Variants in DRG2 observed in about 807,000 individuals in gnomAD.
DRG2 encodes the protein developmentally regulated GTP binding protein 2.
A neutral mutation model predicts 53.4 loss-of-function variants in DRG2; 36 were observed. That is an observed-to-expected ratio of 0.67 (90% CI 0.52 to 0.89). The LOEUF is 0.89. Among genes scored for constraint, DRG2 ranks in the 40% least tolerant of loss-of-function variants. DRG2 has a pLI of 0.00. For synonymous variants in DRG2, 167 were observed against 192.1 expected (o/e 0.87, Z 1.08); for missense variants, 342 against 481.2 (o/e 0.71, Z 2.71).
chr17:18,107,244 C>T lies in DRG2; in HGVS notation c.*4C>T, dbSNP rs559616099. 10 of 1,612,128 alleles carry T rather than the reference C, an allele frequency of 6.2e-6. No homozygotes were observed. The highest frequency in any genetic ancestry group is 4.4e-5 in the South Asian group (4 of 91,062). ...CATCCAGATCGTGAAGAAGTAACGG[C>T]GCCTGCCGGGCCTCCCGCCCACCTG... On this transcript the variant is annotated 3_prime_UTR_variant, in exon 13 of 13. Transcript: ENST00000225729.
At position 18,098,547 on chromosome 17, in the gene DRG2, G is replaced by A; in HGVS notation, c.315+188G>A. Reference sequence around the variant, plus strand: ...AGCTGCTGGACCCCAGAGATGCCTGGTGGGGCCTGGAACTAGGAGGTCAGG... The same window carrying A: ...AGCTGCTGGACCCCAGAGATGCCTGATGGGGCCTGGAACTAGGAGGTCAGG... On this transcript the variant is annotated intron_variant, in intron 3 of 12. Transcript: ENST00000225729. This position sits in a 1 kb window ranked among gnomAD's most constrained non-coding sequence, Gnocchi z 4.1. 7.2e-6 allele frequency: 4 copies of A among 557,100 alleles called. No homozygotes were observed. The South Asian group carries it at 8.1e-5, about 11-fold the overall frequency. 34.5% of individuals were successfully genotyped at this position (557,100 alleles called of 1,614,324 possible).
At chr17:18,106,607 T>G in intron 12 of DRG2, 121 bp downstream of exon 12, 1 of 1,046,504 alleles carries the variant, frequency 9.6e-7, no homozygotes, top group Non-Finnish European at 1.4e-6. Flanking sequence ...GGGATTGGCA[T>G]GTCTGTGTGT....
chr17:18,091,485 C>T (rs1003731706), intron 1 of DRG2, among the ~76,000 whole-genome samples: 4 of 151,998 alleles, frequency 2.6e-5, no homozygotes, highest in Non-Finnish European at 4.4e-5. Context: ...ACTCGGGAGG[C>T]GGAGGCAGGA....
chr17:18,093,565 G>A (rs951240448), intron 1 of DRG2, among the ~76,000 whole-genome samples: 1 of 152,240 alleles, frequency 6.6e-6, no homozygotes, highest in African/African-American at 2.4e-5. Context: ...TGATCCACCC[G>A]CCTCGGCCTC....
rs1436676244 is a variant in DRG2, at chr17:18,087,978, C to A, written c.-46C>A. On this transcript the variant is annotated 5_prime_UTR_variant, in exon 1 of 13. Coordinates refer to ENST00000225729, the MANE Select transcript of DRG2 (RefSeq NM_001388.5). Reference sequence around the variant, plus strand: ...GTCGCCGCCGTCAGACCGGAATTGCCGGTGCCGCCGCCACCGCTGTCTGTG... The same window carrying A: ...GTCGCCGCCGTCAGACCGGAATTGCAGGTGCCGCCGCCACCGCTGTCTGTG... 7 of 1,540,880 alleles carry A rather than the reference C, an allele frequency of 4.5e-6. No homozygotes were observed. In the East Asian group the frequency reaches 1.2e-4, roughly 27 times the overall value.
At chr17:18,094,635 G>A (rs1344520945) in intron 2 of DRG2, among the ~76,000 whole-genome samples, 2 of 152,126 alleles carry the variant, frequency 1.3e-5, no homozygotes, top group East Asian at 1.9e-4. Flanking sequence ...ATGGGCGGCC[G>A]AAAGGACCCT....
In DRG2 at chr17:18,098,207, TGG is replaced by T. The variant is rs1597723000; in HGVS notation, c.226-60_226-59del. 4 of 1,423,964 alleles carry T rather than the reference TGG, an allele frequency of 2.8e-6. No individual in the cohort carries two copies. The highest frequency in any genetic ancestry group is 4.0e-6 in the Non-Finnish European group (4 of 1,011,068). The allele number at this position is 1,423,964 out of a possible 1,614,324, so 88.2% of individuals were successfully genotyped here. Reference sequence around the variant, plus strand: ...CCTGCACCTGCAGGCCCCCAGCCCCTGGGGCCTCTCCCAGAAGGCCAGGGACA... The same window carrying T: ...CCTGCACCTGCAGGCCCCCAGCCCCTGGCCTCTCCCAGAAGGCCAGGGACA... On this transcript the variant is annotated intron_variant, in intron 2 of 12. Coordinates refer to ENST00000225729, the MANE Select transcript of DRG2 (RefSeq NM_001388.5). The surrounding 1 kb of genome is among the most constrained non-coding windows in gnomAD (Gnocchi z 4.1).
rs1167315537 is a variant in DRG2 at position 18,100,520 on chromosome 17, C to T, written c.541-49C>T. 4 of 1,613,078 alleles carry T rather than the reference C, an allele frequency of 2.5e-6. No individual in the cohort carries two copies. Among genetic ancestry groups the T allele is most frequent in the African/African-American group, 1.3e-5 (1 of 74,940 alleles). On this transcript the variant is annotated intron_variant, in intron 6 of 12. Coordinates refer to ENST00000225729, the MANE Select transcript of DRG2 (RefSeq NM_001388.5). This position sits in a 1 kb window ranked among gnomAD's most constrained non-coding sequence, Gnocchi z 4.1. ...GGCGGCTGAGGCTGTGGGACCATTG[C>T]TGTGACCCCTCGGTCAGCAGTTCTC...
At position 18,099,679 on chromosome 17, in the gene DRG2, C is replaced by T. The variant is rs536667489; in HGVS notation, c.423C>T (p.Asp141=). 452 of 1,607,912 alleles carry T rather than the reference C, an allele frequency of 2.8e-4. 4 individuals are homozygous for T. Among genetic ancestry groups the T allele is most frequent in the South Asian group, 2.5e-3 (225 of 89,390 alleles). The change falls in exon 5 of 13, where the codon GAC becomes GAT. Residue 141 remains aspartate (D), a synonymous_variant. Transcript: ENST00000225729. The surrounding 1 kb of genome is among the most constrained non-coding windows in gnomAD (Gnocchi z 4.4). ...RQVIAVARTA[D]VIIMMLDATK... ...TGATCGCTGTGGCGCGCACGGCTGA[C>T]GTCATCATCATGATGCTGGATGCCA...
At chr17:18,092,881 G>A (rs1167015753) in intron 1 of DRG2, among the ~76,000 whole-genome samples, 1 of 152,166 alleles carries the variant, frequency 6.6e-6, no homozygotes, top group East Asian at 1.9e-4. Context: ...ATGGCAGCGT[G>A]GGATCCCAGA....
In DRG2 at chr17:18,103,931, A is replaced by T. The variant is rs371709876; in HGVS notation, c.895+42A>T. 3.1e-5 allele frequency: 50 copies of T among 1,598,460 alleles called. No individual in the cohort carries two copies. The highest frequency in any genetic ancestry group is 3.9e-5 in the Non-Finnish European group (46 of 1,166,444). On this transcript the variant is annotated intron_variant, in intron 10 of 12. Coordinates refer to ENST00000225729, the MANE Select transcript of DRG2 (RefSeq NM_001388.5). This position sits in a 1 kb window ranked among gnomAD's most constrained non-coding sequence, Gnocchi z 4.4. ...GTAGCTGAAAAACAGGCTGAGCTTC[A>T]TCCCTAGAAGGCTGCCAGGCCGGTG... is the stretch of plus-strand genomic sequence containing the variant.
At chr17:18,101,638 A>G (rs1190429639) in intron 8 of DRG2, 48 bp downstream of exon 8, 1 of 1,572,206 alleles carries the variant, frequency 6.4e-7, no homozygotes, top group Non-Finnish European at 8.7e-7. Context: ...CCTTTCTACC[A>G]CATGCATTTC....
At position 18,103,442 on chromosome 17, in the gene DRG2, C is replaced by A. The variant is rs2045574093; in HGVS notation, c.807-359C>A. Among the ~76,000 whole-genome samples, 1 of 152,174 alleles carries A rather than the reference C, an allele frequency of 6.6e-6. No homozygotes were observed. The highest frequency in any genetic ancestry group is 2.4e-5 in the African/African-American group (1 of 41,416). On this transcript the variant is annotated intron_variant, in intron 9 of 12. Transcript: ENST00000225729. This position sits in a 1 kb window ranked among gnomAD's most constrained non-coding sequence, Gnocchi z 4.4. Reference sequence around the variant, plus strand: ...CTTCCTGGCAGTCCCTTGCTCCTCTCAAGGAGTGAACTCTGGGTGTCAGGG... The same window carrying A: ...CTTCCTGGCAGTCCCTTGCTCCTCTAAAGGAGTGAACTCTGGGTGTCAGGG...
intron 2 of DRG2, chr17:18,095,883 C>T (rs933342085): frequency 6.6e-6 from 1 of 152,226 alleles, no homozygotes; most frequent in East Asian, 1.9e-4. Flanking sequence ...TCCCCACTGT[C>T]CTTTTTCTGT....
Sources: gnomAD v4.1 joint callset for allele counts (sites outside exome capture counted in the v4.1 genomes callset) on GRCh38, gnomAD v4.1.1 for gene constraint, Gnocchi (gnomAD v3.1) non-coding constraint, MANE v1.5 for transcripts, NCBI Gene and HGNC (gene_info 2026-07-23, HGNC 2026-07-21) for gene names.